The following ADGRL1 variants were observed in gnomAD, a reference collection of about 807,000 sequenced individuals.
ADGRL1 encodes CIRL-1.
In ADGRL1, 31 loss-of-function variants were observed where a neutral mutation model predicts 148.9. The observed-to-expected ratio is 0.21, with a 90% CI of 0.16 to 0.28. ADGRL1 has a LOEUF of 0.28. Ranked by LOEUF, ADGRL1 falls within the 10% of genes least tolerant of loss-of-function variation. The pLI is 1.00. For synonymous variants in ADGRL1, 937 were observed against 900.3 expected, an observed-to-expected ratio of 1.04 and a Z score of -0.73; for missense variants, 1,521 against 2,058.8, an observed-to-expected ratio of 0.74 and a Z score of 5.05.
Position 14,156,154 on chromosome 19 carries a change from G to C in ADGRL1, c.3081C>G (p.Ser1027Arg). ...TGGAGTCGGGCTTGAGCACAGATGA[G>C]CTTCGGATCATCTTGTGCAGGGTCA... is the stretch of plus-strand genomic sequence containing the variant. Reference protein sequence around the residue: ...LMVTLHKMIRSSSVLKPDSSR... With the variant: ...LMVTLHKMIRRSSVLKPDSSR... The change falls in exon 17 of 23, where the codon AGC becomes AGG. Residue 1027 changes from serine to arginine, a missense_variant. Coordinates refer to ENST00000361434, the MANE Select transcript of ADGRL1 (RefSeq NM_014921.5). The C allele has an allele frequency of 6.2e-7, 1 of 1,612,818 alleles. No individual in the cohort carries two copies. Among genetic ancestry groups the C allele is most frequent in the South Asian group, 1.1e-5 (1 of 90,722 alleles).
chr19:14,200,239 C>CGAG (rs955970937), intron 1 of ADGRL1, among the ~76,000 whole-genome samples: 55 of 152,330 alleles, frequency 3.6e-4, no homozygotes, highest in African/African-American at 1.2e-3. Flanking sequence ...GCAGCTGCAT[C>CGAG]GAGGAAGCGG....
At chr19:14,172,990 C>G (rs762707510) in intron 3 of ADGRL1, among the ~76,000 whole-genome samples, 2 of 152,068 alleles carry the variant, frequency 1.3e-5, no homozygotes, top group East Asian at 3.8e-4. Context: ...GACAGGGTCC[C>G]GCTCTGTCAC....
chr19:14,158,777 A>T (rs1969035251), intron 11 of ADGRL1, among the ~76,000 whole-genome samples: 1 of 152,182 alleles, frequency 6.6e-6, no homozygotes, highest in Admixed American at 6.5e-5. Context: ...GTGTGCCAGG[A>T]CACACAAGCT....
chr19:14,154,104 A>G (rs1481174187), intron 18 of ADGRL1, among the ~76,000 whole-genome samples: 1 of 152,142 alleles, frequency 6.6e-6, no homozygotes, highest in Non-Finnish European at 1.5e-5. Context: ...AGATCAGACC[A>G]TAGGGGCCTG....
chr19:14,172,806 CCTGT>C (rs1334917359), intron 3 of ADGRL1, among the ~76,000 whole-genome samples: 1 of 152,136 alleles, frequency 6.6e-6, no homozygotes, highest in Admixed American at 6.5e-5. Context: ...GTATTTGCTC[CCTGT>C]CTGTTAGTCA....
At position 14,160,601 on chromosome 19, in the gene ADGRL1, C is replaced by A. The variant is rs749134610; in HGVS notation, c.1606G>T (p.Ala536Ser). The change falls in exon 7 of 23, where the codon GCC becomes TCC. Residue 536 changes from alanine to serine, a missense_variant. Transcript: ENST00000361434. This position sits in a 1 kb window ranked among gnomAD's most constrained non-coding sequence, Gnocchi z 5.9. ...NCTSPWVNQV[A>S]QKIKSGENAA... ...GGGGTGGTGGCTGGTACCTTCTGGG[C>A]CACCTGGTTGACCCAGGGGGAGGTG... 4.7e-5 allele frequency: 76 copies of A among 1,606,088 alleles called. No homozygotes were observed. The South Asian group carries it at 6.1e-4, about 13-fold the overall frequency.
intron 4 of ADGRL1, chr19:14,167,144 C>T: frequency 1.1e-6 from 1 of 929,858 alleles, no homozygotes; most frequent in South Asian, 1.4e-5. Context: ...GGCAACACGC[C>T]CCCTTTTCCT....
At chr19:14,172,003 G>A (rs760229759) in intron 3 of ADGRL1, among the ~76,000 whole-genome samples, 6 of 152,144 alleles carry the variant, frequency 3.9e-5, no homozygotes, top group Non-Finnish European at 7.4e-5. Context: ...TCTTAACCAA[G>A]GGTACTAAAC....
Position 14,157,569 on chromosome 19 carries a change from C to A in ADGRL1, c.2536-109G>T. 9.0e-7 allele frequency: 1 copy of A among 1,112,660 alleles called. No individual in the cohort carries two copies. The highest frequency in any genetic ancestry group is 1.3e-6 in the Non-Finnish European group (1 of 762,498). The allele number at this position is 1,112,660 out of a possible 1,614,324, so 68.9% of individuals were successfully genotyped here. A position where few individuals can be genotyped will look rare whatever the true frequency, so the allele number is the denominator to read the frequency against. ...TGGGCAAGGCCATGGGCCGTGAGGACCTCTGGTGCCGCCAACCTGGCAGCC... is the reference window on the plus strand; with the variant it reads ...TGGGCAAGGCCATGGGCCGTGAGGAACTCTGGTGCCGCCAACCTGGCAGCC... On this transcript the variant is annotated intron_variant, in intron 13 of 22. Coordinates refer to ENST00000361434, the MANE Select transcript of ADGRL1 (RefSeq NM_014921.5). The surrounding 1 kb of genome is among the most constrained non-coding windows in gnomAD (Gnocchi z 7.5).
At position 14,183,563 on chromosome 19, in the gene ADGRL1, T is replaced by C. The variant is rs1599486967; in HGVS notation, c.40A>G (p.Thr14Ala). ...LAAVLWNLCV[T>A]AVLVTSATQG... ...GTGGCCGAGGTGACCAGGACGGCGG[T>C]GACACACAGATTCCAGAGCACTGCG... The change falls in exon 2 of 23, where the codon ACC becomes GCC. Residue 14 changes from threonine to alanine, a missense_variant. Thr to Ala is a moderately conservative substitution (Grantham distance 58). Coordinates refer to ENST00000361434, the MANE Select transcript of ADGRL1 (RefSeq NM_014921.5). 1 of 1,584,442 alleles carries C rather than the reference T, an allele frequency of 6.3e-7. No individual in the cohort carries two copies. The highest frequency in any genetic ancestry group is 8.6e-7 in the Non-Finnish European group (1 of 1,165,040).
At chr19:14,204,077 C>T (rs891219168) in intron 1 of ADGRL1, among the ~76,000 whole-genome samples, 2 of 152,158 alleles carry the variant, frequency 1.3e-5, no homozygotes, top group Non-Finnish European at 2.9e-5. Context: ...AATTAGTTCC[C>T]TTTTCCGAAT....
chr19:14,157,104 G>C lies in ADGRL1; in HGVS notation c.2787C>G (p.Phe929Leu). 1 of 1,614,140 alleles carries C rather than the reference G, an allele frequency of 6.2e-7. No homozygotes were observed. Among genetic ancestry groups the C allele is most frequent in the South Asian group, 1.1e-5 (1 of 91,086 alleles). ...GGCACAGCCAGGAGAAGGCAGCCAG[G>C]AAGAAATAGTGCAGCAGGCCGGCGA... ...PIFAGLLHYF[F>L]LAAFSWLCLE... Residue 929 changes from phenylalanine (F) to leucine (L), a missense_variant, in exon 15 of 23, where the codon TTC becomes TTG. Phe to Leu is a conservative substitution (Grantham distance 22). This residue lies in a region of ADGRL1 where 26 missense variants were observed against 75.0 expected (regional missense o/e 0.35). Transcript: ENST00000361434. This position sits in a 1 kb window ranked among gnomAD's most constrained non-coding sequence, Gnocchi z 7.5.
intron 15 of ADGRL1, 52 bp downstream of exon 15, chr19:14,156,873 G>A (rs545623465): frequency 9.5e-6 from 15 of 1,582,782 alleles, no homozygotes; most frequent in Admixed American, 3.4e-5. Context: ...AAGGGGTGCC[G>A]CCCAGCAGGG....
At chr19:14,163,517 G>A in intron 4 of ADGRL1, 111 bp from the exon 5 acceptor site, 1 of 810,094 alleles carries the variant, frequency 1.2e-6, no homozygotes, top group Non-Finnish European at 1.9e-6. Flanking sequence ...GAGGCAAGTT[G>A]GTCACGCTGC....
intron 1 of ADGRL1, among the ~76,000 whole-genome samples, chr19:14,189,182 T>C (rs1971775641): frequency 6.6e-6 from 1 of 151,928 alleles, no homozygotes; most frequent in South Asian, 2.1e-4. Context: ...ATTCTAGACA[T>C]TTCATACAAA....
At chr19:14,158,843 C>T (rs1969044063) in intron 11 of ADGRL1, among the ~76,000 whole-genome samples, 1 of 152,242 alleles carries the variant, frequency 6.6e-6, no homozygotes, top group Non-Finnish European at 1.5e-5. Context: ...CCTGACCTCT[C>T]TGAGCCTTCA....
intron 1 of ADGRL1, among the ~76,000 whole-genome samples, chr19:14,199,229 G>A (rs1383043130): frequency 2.0e-5 from 3 of 152,226 alleles, no homozygotes; most frequent in East Asian, 1.9e-4. Flanking sequence ...GCTGGGGAAC[G>A]AGAGCCTCCC....
chr19:14,154,457 C>T (rs895524648), intron 18 of ADGRL1, among the ~76,000 whole-genome samples: 1 of 152,152 alleles, frequency 6.6e-6, no homozygotes, highest in Non-Finnish European at 1.5e-5. Context: ...CTACTGTTGT[C>T]CCCTTTGGTT....
intron 1 of ADGRL1, among the ~76,000 whole-genome samples, chr19:14,191,693 T>C (rs1262846631): frequency 6.8e-6 from 1 of 146,746 alleles, no homozygotes; most frequent in Non-Finnish European, 1.5e-5. Flanking sequence ...CTGCTGTCTC[T>C]CTCTTTTTTT....
Sources: allele counts gnomAD v4.1 joint callset (sites outside exome capture counted in the v4.1 genomes callset), GRCh38; gene constraint gnomAD v4.1.1; regional missense constraint gnomAD v4.1.1; non-coding constraint Gnocchi (gnomAD v3.1); transcripts MANE v1.5; gene names NCBI Gene and HGNC (gene_info 2026-07-23, HGNC 2026-07-21).